LAP3: variants seen among roughly 807,000 people sequenced by gnomAD.
LAP3 encodes the protein leucine aminopeptidase 3.
In LAP3, 46 loss-of-function variants were observed where a neutral mutation model predicts 58.8. The ratio of observed to expected loss-of-function variants is 0.78; its 90% CI spans 0.62 to 1.00. The LOEUF is 1.00. Among genes scored for constraint, LAP3 ranks in the 50% least tolerant of loss-of-function variants. The pLI, the probability that LAP3 is intolerant of heterozygous loss-of-function variation, is 0.00. For missense variants in LAP3, 615 were observed against 659.1 expected (o/e 0.93, Z 0.73); for synonymous variants, 257 against 237.7 (o/e 1.08, Z -0.75).
chr4:17,597,422 G>A (rs955236695), intron 9 of LAP3, among the ~76,000 whole-genome samples: 5 of 152,176 alleles, frequency 3.3e-5, no homozygotes, highest in African/African-American at 1.2e-4. Flanking sequence ...GACCACAGGT[G>A]CGTGCCACCA....
At chr4:17,578,267 G>A (rs1170466772) in intron 1 of LAP3, among the ~76,000 whole-genome samples, 1 of 152,222 alleles carries the variant, frequency 6.6e-6, no homozygotes, top group Non-Finnish European at 1.5e-5. Flanking sequence ...CCAGTCTCCT[G>A]CAGGTATCTC....
chr4:17,580,413 A>G (rs1370712963), intron 2 of LAP3, among the ~76,000 whole-genome samples: 3 of 150,974 alleles, frequency 2.0e-5, no homozygotes, highest in Non-Finnish European at 2.9e-5. Flanking sequence ...TTTGGAATGC[A>G]CTTTGGTACT....
chr4:17,598,509 C>T lies in LAP3; in HGVS notation c.1131C>T (p.Tyr377=), dbSNP rs7697250. Residue 377 remains tyrosine, a synonymous_variant, in exon 10 of 13, where the codon TAC becomes TAT. Coordinates refer to ENST00000226299, the MANE Select transcript of LAP3 (RefSeq NM_015907.3). ...TCATACTGGCTGATGCGCTCTGTTA[C>T]GCACACACGTTTAACCCGAAGGTCA... ...GRLILADALC[Y]AHTFNPKVIL... is the part of the protein sequence containing the mutation. The T allele has an allele frequency of 0.015, 24,250 of 1,613,932 alleles. 2,850 individuals are homozygous for T. The African/African-American group carries it at 0.27, about 18-fold the overall frequency.
chr4:17,583,353 C>A, intron 4 of LAP3, 130 bp from the exon 5 acceptor site: 2 of 916,798 alleles, frequency 2.2e-6, no homozygotes, highest in Non-Finnish European at 3.4e-6. Context: ...AGGCTCAGAA[C>A]ATTCGGGTAT....
intron 10 of LAP3, among the ~76,000 whole-genome samples, chr4:17,603,121 C>T (rs1315421742): frequency 6.6e-6 from 1 of 151,610 alleles, no homozygotes; most frequent in East Asian, 2.0e-4. Flanking sequence ...TCCTGGCTAA[C>T]ACGGTGAAAC....
intron 2 of LAP3, 148 bp from the exon 3 acceptor site, chr4:17,581,612 G>A (rs1713364893): frequency 5.0e-6 from 3 of 602,522 alleles, no homozygotes; most frequent in Non-Finnish European, 8.9e-6. Context: ...TGGCTTGAGA[G>A]CATTCTGTAT....
chr4:17,604,723 C>A lies in LAP3; in HGVS notation c.1260+56C>A, dbSNP rs925560873. 17 of 1,322,636 alleles carry A rather than the reference C, an allele frequency of 1.3e-5. No individual in the cohort carries two copies. In the Admixed American group the frequency reaches 2.7e-4, roughly 21 times the overall value. The allele number at this position is 1,322,636 out of a possible 1,614,324, so 81.9% of individuals were successfully genotyped here. A position where few individuals can be genotyped will look rare whatever the true frequency, so the allele number is the denominator to read the frequency against. The stretch of plus-strand genomic sequence containing the variant: ...AGAGATGGTGAATAAATTATTCTAG[C>A]CTTAGAAGGATAGACTTCTTCAACC... On this transcript the variant is annotated intron_variant, in intron 11 of 12. Coordinates refer to ENST00000226299, the MANE Select transcript of LAP3 (RefSeq NM_015907.3).
chr4:17,607,468 T>A lies in LAP3; in HGVS notation c.1439T>A (p.Leu480Ter). 1 of 1,614,132 alleles carries A rather than the reference T, an allele frequency of 6.2e-7. No individual in the cohort carries two copies. Among genetic ancestry groups the A allele is most frequent in the Non-Finnish European group, 8.5e-7 (1 of 1,180,016 alleles). The change falls in exon 13 of 13, where the codon TTA (leucine) becomes TAA (stop). Residue 480 changes from leucine to a stop codon, truncating the protein, a stop_gained. Transcript: ENST00000226299. LOFTEE classifies it high-confidence loss of function. ...EFVTHPKWAH[L>*]DIAGVMTNKD... is the part of the protein sequence containing the mutation. ...GTAACTCATCCTAAGTGGGCACATT[T>A]AGACATAGCAGGCGTGATGACCAAC...
intron 8 of LAP3, 35 bp from the exon 9 acceptor site, chr4:17,597,011 A>T (rs2109022622): frequency 6.2e-7 from 1 of 1,605,286 alleles, no homozygotes; most frequent in East Asian, 2.2e-5. Context: ...TGGACCCAGT[A>T]TATACTGTGT....
chr4:17,603,301 C>CT (rs1714025107), intron 10 of LAP3, among the ~76,000 whole-genome samples: 1 of 152,000 alleles, frequency 6.6e-6, no homozygotes, highest in South Asian at 2.1e-4. Context: ...GAGCAAGACT[C>CT]TGTCTCAAAA....
At chr4:17,604,544 T>A (rs1326572234) in intron 10 of LAP3, 44 bp from the exon 11 acceptor site, 1 of 1,493,466 alleles carries the variant, frequency 6.7e-7, no homozygotes, top group East Asian at 2.3e-5. Context: ...GAGCCCATTT[T>A]GCCTGGAGAG....
In LAP3 at chr4:17,577,350, C is replaced by T. The variant is rs1713222912; in HGVS notation, c.-116C>T. ...TAGACGCACGTCCGCTCGCCCGGCG[C>T]CCGAGCCAGTCCGCGCGCACGCCGT... On this transcript the variant is annotated 5_prime_UTR_variant, in exon 1 of 13. Transcript: ENST00000226299. 2 of 662,910 alleles carry T rather than the reference C, an allele frequency of 3.0e-6. No homozygotes were observed. The highest frequency in any genetic ancestry group is 4.5e-6 in the Non-Finnish European group (2 of 441,672). The allele number at this position is 662,910 out of a possible 1,614,324, so 41.1% of individuals were successfully genotyped here. A position where few individuals can be genotyped will look rare whatever the true frequency, so the allele number is the denominator to read the frequency against.
intron 6 of LAP3, chr4:17,587,733 T>A (rs995007279): frequency 6.6e-6 from 1 of 152,190 alleles, no homozygotes; most frequent in Non-Finnish European, 1.5e-5. Flanking sequence ...AAGGACTGTT[T>A]CCATTCTGTT....
At chr4:17,595,571 T>C in intron 8 of LAP3, 37 bp downstream of exon 8, 1 of 1,603,318 alleles carries the variant, frequency 6.2e-7, no homozygotes, top group Non-Finnish European at 8.5e-7. Context: ...ATAACGCTTC[T>C]GGATTCTAGC....
rs1400785111 is a variant in LAP3 at position 17,577,450 on chromosome 4, G to C, written c.-16G>C. The C allele has an allele frequency of 6.5e-7, 1 of 1,541,986 alleles. No individual in the cohort carries two copies. The highest frequency in any genetic ancestry group is 8.7e-7 in the Non-Finnish European group (1 of 1,143,796). On this transcript the variant is annotated 5_prime_UTR_variant, in exon 1 of 13. Transcript: ENST00000226299. Reference sequence around the variant, plus strand: ...CGTGCTCGCTGGAGGGCGGTGCGAGGGGCCGAGCCGACAAGATGTTCTTGC... The same window carrying C: ...CGTGCTCGCTGGAGGGCGGTGCGAGCGGCCGAGCCGACAAGATGTTCTTGC...
intron 1 of LAP3, among the ~76,000 whole-genome samples, chr4:17,577,961 G>A (rs1338982041): frequency 2.0e-5 from 3 of 152,200 alleles, no homozygotes; most frequent in Non-Finnish European, 2.9e-5. Context: ...GAGTCACAGG[G>A]CTCCTTCCCC....
chr4:17,597,922 G>A (rs182914043), intron 9 of LAP3, among the ~76,000 whole-genome samples: 2 of 152,192 alleles, frequency 1.3e-5, no homozygotes, highest in African/African-American at 4.8e-5. Context: ...CTATTTAAAA[G>A]AAAGGAATAT....
intron 11 of LAP3, among the ~76,000 whole-genome samples, chr4:17,605,118 CCACACACACACACA>C (rs10609509): frequency 2.7e-5 from 4 of 147,034 alleles, no homozygotes; most frequent in East Asian, 2.0e-4. Context: ...ACCCTCACTT[CCACACACACACACA>C]CACACACACA....
At chr4:17,596,480 C>T (rs963461149) in intron 8 of LAP3, among the ~76,000 whole-genome samples, 15 of 152,130 alleles carry the variant, frequency 9.9e-5, no homozygotes, top group African/African-American at 2.9e-4. Context: ...GCTGGGATTA[C>T]AGGCATGCGC....
Sources: gnomAD v4.1 joint callset for allele counts (sites outside exome capture counted in the v4.1 genomes callset) on GRCh38, gnomAD v4.1.1 for gene constraint, MANE v1.5 for transcripts, NCBI Gene and HGNC (gene_info 2026-07-23, HGNC 2026-07-21) for gene names.